The following FYN variants were observed in gnomAD, a reference collection of about 807,000 sequenced individuals.
FYN encodes FYN proto-oncogene, Src family tyrosine kinase.
Under a neutral mutation model 70.2 loss-of-function variants are expected in FYN, and 10 were observed. That is an observed-to-expected ratio of 0.14 (90% CI 0.09 to 0.24). The LOEUF (loss-of-function observed/expected upper bound fraction) is 0.24, where lower values mean the gene tolerates loss of function less well. Ranked by LOEUF, FYN falls within the 10% of genes least tolerant of loss-of-function variation. The pLI is 1.00. For missense variants in FYN, 319 were observed against 673.1 expected (o/e 0.47, Z 5.82); for synonymous variants, 236 against 248.6 (o/e 0.95, Z 0.48).
At chr6:111,718,417 C>T (rs187186305) in intron 4 of FYN, among the ~76,000 whole-genome samples, 8 of 152,338 alleles carry the variant, frequency 5.3e-5, no homozygotes, top group Admixed American at 1.3e-4. Context: ...AACAAAGACT[C>T]CTCCTGACTA....
In FYN at chr6:111,776,946, C is replaced by A. The variant is rs1770965106; in HGVS notation, c.-12+3620G>T. On this transcript the variant is annotated intron_variant, in intron 3 of 13. Transcript: ENST00000354650. ...GTGTACCAAAATACTCAATCTCAAT[C>A]ATCTGTAATGAGATCTCTCTCCTCC... is the stretch of plus-strand genomic sequence containing the variant. 1.3e-5 allele frequency among the ~76,000 whole-genome samples: 2 copies of A among 152,196 alleles called. 1 individual carries two copies. The highest frequency in any genetic ancestry group is 1.3e-4 in the Admixed American group (2 of 15,284).
rs536657769 is a variant in FYN, at chr6:111,856,659, T to A, written c.-122-10030A>T. On this transcript the variant is annotated intron_variant, in intron 1 of 13. Transcript: ENST00000354650. ...TGTCAGTTAATAAATCAATACTTTT[T>A]AAATTCTATCCATTTAATTATTTGC... is the stretch of plus-strand genomic sequence containing the variant. Among the ~76,000 whole-genome samples, 6 of 152,352 alleles carry A rather than the reference T, an allele frequency of 3.9e-5. No homozygotes were observed. The East Asian group carries it at 1.2e-3, about 29-fold the overall frequency.
chr6:111,744,501 G>A (rs1034519028), intron 3 of FYN, among the ~76,000 whole-genome samples: 1 of 152,210 alleles, frequency 6.6e-6, no homozygotes, highest in Admixed American at 6.5e-5. Flanking sequence ...GGAAAGATCT[G>A]TTTTTGCTGG....
At chr6:111,699,378 A>G in intron 9 of FYN, 1 of 917,250 alleles carries the variant, frequency 1.1e-6, no homozygotes, top group East Asian at 2.6e-5. Context: ...TATTCTGAAA[A>G]TCTGGATGGC....
intron 2 of FYN, among the ~76,000 whole-genome samples, chr6:111,826,377 T>C (rs1484724200): frequency 6.6e-6 from 1 of 151,936 alleles, no homozygotes; most frequent in Non-Finnish European, 1.5e-5. Context: ...TGTATGTATG[T>C]GTATTTATGC....
Position 111,668,887 on chromosome 6 carries a change from C to T in FYN, c.1405+5612G>A, listed in dbSNP as rs190404822. On this transcript the variant is annotated intron_variant, in intron 13 of 13. Coordinates refer to ENST00000354650, the MANE Select transcript of FYN (RefSeq NM_002037.5). ...TCTCCTCCTGGTTGGAGAGTCCTAA[C>T]CCTTTCTTCTCCCATGAAAAACCTG... is the stretch of plus-strand genomic sequence containing the variant. 3.2e-3 allele frequency among the ~76,000 whole-genome samples: 493 copies of T among 152,262 alleles called. 2 individuals are homozygous for T. The highest frequency in any genetic ancestry group is 6.1e-3 in the Non-Finnish European group (417 of 68,026).
intron 1 of FYN, among the ~76,000 whole-genome samples, chr6:111,853,877 T>C (rs954873880): frequency 6.6e-6 from 1 of 152,204 alleles, no homozygotes; most frequent in Non-Finnish European, 1.5e-5. Flanking sequence ...CTTTGTCATA[T>C]AGATTTTTAA....
Position 111,674,566 on chromosome 6 carries a change from C to G in FYN, c.1338G>C (p.Lys446Asn). Residue 446 changes from lysine to asparagine, a missense_variant, in exon 13 of 14, where the codon AAG becomes AAC. Around this residue, in one of 4 missense-constraint regions of FYN, gnomAD observed 64 missense variants for 223.0 expected, o/e 0.29. Transcript: ENST00000354650. The part of the protein sequence containing the change: ...EAALYGRFTI[K>N]SDVWSFGILL... ...AGATTCCAAAAGACCACACGTCAGACTTGATTGTGAACCTCCCGTACAGGG... is the reference window on the plus strand; with the variant it reads ...AGATTCCAAAAGACCACACGTCAGAGTTGATTGTGAACCTCCCGTACAGGG... The G allele has an allele frequency of 6.2e-7, 1 of 1,614,086 alleles. No individual in the cohort carries two copies. Among genetic ancestry groups the G allele is most frequent in the Non-Finnish European group, 8.5e-7 (1 of 1,179,968 alleles).
intron 2 of FYN, among the ~76,000 whole-genome samples, chr6:111,835,817 G>C (rs10440852): frequency 0.34 from 51,673 of 151,942 alleles, 13,087 homozygotes; most frequent in African/African-American, 0.72. Flanking sequence ...GGAGAAAAAG[G>C]AGAAAAGTGT....
intron 13 of FYN, among the ~76,000 whole-genome samples, chr6:111,666,018 T>C (rs796158196): frequency 8.9e-4 from 127 of 143,276 alleles, no homozygotes; most frequent in East Asian, 2.3e-3. Flanking sequence ...TTTTTTTTTT[T>C]TGAGACAGAG....
intron 12 of FYN, among the ~76,000 whole-genome samples, chr6:111,689,143 ATG>A (rs1799188445): frequency 6.6e-6 from 1 of 152,216 alleles, no homozygotes; most frequent in Admixed American, 6.5e-5. Context: ...CACACTAATG[ATG>A]TGAGGTGATC....
intron 10 of FYN, among the ~76,000 whole-genome samples, chr6:111,695,424 A>C (rs1799529954): frequency 6.6e-6 from 1 of 152,226 alleles, no homozygotes; most frequent in African/African-American, 2.4e-5. Context: ...CACTATTATA[A>C]CACAGCCTAA....
intron 1 of FYN, among the ~76,000 whole-genome samples, chr6:111,850,783 T>C (rs1460040371): frequency 6.6e-6 from 1 of 152,188 alleles, no homozygotes; most frequent in Admixed American, 6.5e-5. Flanking sequence ...AGACATGCAG[T>C]GTGTGGGACC....
chr6:111,740,483 T>C (rs1289360459), intron 3 of FYN, among the ~76,000 whole-genome samples: 3 of 152,314 alleles, frequency 2.0e-5, no homozygotes, highest in South Asian at 2.1e-4. Flanking sequence ...AAACACGAGG[T>C]AGAAACATAA....
rs151194783 is a variant in FYN, at chr6:111,692,734, T to C, written c.1273+1641A>G. Among the ~76,000 whole-genome samples the C allele has an allele frequency of 2.0e-5, 3 of 152,308 alleles. 1 individual carries two copies. The highest frequency in any genetic ancestry group is 7.2e-5 in the African/African-American group (3 of 41,572). On this transcript the variant is annotated intron_variant, in intron 12 of 13. Transcript: ENST00000354650. ...ATCAAATATTCATGTCTCACAACCT[T>C]TGCCCACTCTCCTTCTGAGTCTGAG...
chr6:111,672,407 A>T (rs535105405), intron 13 of FYN, among the ~76,000 whole-genome samples: 1 of 152,232 alleles, frequency 6.6e-6, no homozygotes, highest in East Asian at 1.9e-4. Context: ...TCTCACTTCA[A>T]ACTCCTCTGC....
chr6:111,853,527 G>T (rs1773743859), intron 1 of FYN, among the ~76,000 whole-genome samples: 2 of 152,128 alleles, frequency 1.3e-5, no homozygotes, highest in Admixed American at 1.3e-4. Context: ...ACGGCCTCTT[G>T]CTTGGGCTGT....
intron 2 of FYN, among the ~76,000 whole-genome samples, chr6:111,806,510 C>T (rs534350459): frequency 6.6e-6 from 1 of 152,282 alleles, no homozygotes; most frequent in East Asian, 1.9e-4. Context: ...ACCAAACCAC[C>T]AAAAGGAAAA....
intron 3 of FYN, among the ~76,000 whole-genome samples, chr6:111,753,224 A>G (rs1802565981): frequency 6.6e-6 from 1 of 152,224 alleles, no homozygotes; most frequent in South Asian, 2.1e-4. Flanking sequence ...AGGAATAGTC[A>G]TGCCACTTTC....
Sources: allele counts gnomAD v4.1 joint callset (sites outside exome capture counted in the v4.1 genomes callset), GRCh38; gene constraint gnomAD v4.1.1; regional missense constraint gnomAD v4.1.1; transcripts MANE v1.5; gene names NCBI Gene and HGNC (gene_info 2026-07-23, HGNC 2026-07-21).